RASEF: variants seen among roughly 807,000 people sequenced by gnomAD.
The protein encoded by RASEF is RAS and EF-hand domain containing, also known as ras and EF-hand domain-containing protein.
A neutral mutation model predicts 90.1 loss-of-function variants in RASEF; 68 were observed. The observed-to-expected ratio is 0.75, with a 90% CI of 0.62 to 0.92. The LOEUF (loss-of-function observed/expected upper bound fraction) is 0.92, where lower values mean the gene tolerates loss of function less well. RASEF is among the 40% of genes least tolerant of loss of function. The pLI is 0.00. For synonymous variants in RASEF, 331 were observed against 345.2 expected, an observed-to-expected ratio of 0.96 and a Z score of 0.46; for missense variants, 949 against 937.2, an observed-to-expected ratio of 1.01 and a Z score of -0.16.
rs747449006 is a variant in RASEF, at chr9:83,004,505, A to T, written c.1195T>A (p.Tyr399Asn). 1.9e-6 allele frequency: 3 copies of T among 1,588,246 alleles called. No homozygotes were observed. The highest frequency in any genetic ancestry group is 1.7e-5 in the Admixed American group (1 of 59,968). The change falls in exon 9 of 17, where the codon TAT becomes AAT. Residue 399 changes from tyrosine to asparagine, a missense_variant. By Grantham distance (143) the Tyr-to-Asn change is moderately radical. This residue lies in a region of RASEF where 656 missense variants were observed against 592.2 expected (regional missense o/e 1.11). Transcript: ENST00000376447. Reference sequence around the variant, plus strand: ...TAAGACGAGTTAACATACCTGTCATAGCCTAGAGGTTGAGGGGAATGACCA... The same window carrying T: ...TAAGACGAGTTAACATACCTGTCATTGCCTAGAGGTTGAGGGGAATGACCA... ...FIGHSPQPLG[Y>N]DRSSRSSYVD...
At chr9:83,118,790 T>C in the RASEF span, among the ~76,000 whole-genome samples, 1 of 152,210 alleles carries the variant, frequency 6.6e-6, no homozygotes, top group South Asian at 2.1e-4. Flanking sequence ...CAGCTAAAAC[T>C]TGACAAATGA....
Position 82,998,353 on chromosome 9 carries a change from G to T in RASEF, c.1805+12C>A. On this transcript the variant is annotated intron_variant, in intron 13 of 16. Coordinates refer to ENST00000376447, the MANE Select transcript of RASEF (RefSeq NM_152573.4). ...ACCCAGGATATCCCATAGCGCTGCGGAATGCACTTGCCTCTCCTGACCAGC... is the reference window on the plus strand; with the variant it reads ...ACCCAGGATATCCCATAGCGCTGCGTAATGCACTTGCCTCTCCTGACCAGC... The T allele has an allele frequency of 2.5e-6, 4 of 1,586,236 alleles. No individual in the cohort carries two copies. Among genetic ancestry groups the T allele is most frequent in the Non-Finnish European group, 3.5e-6 (4 of 1,154,796 alleles).
chr9:83,160,954 C>G, the RASEF span, among the ~76,000 whole-genome samples: 1 of 152,164 alleles, frequency 6.6e-6, no homozygotes, highest in Non-Finnish European at 1.5e-5. Flanking sequence ...GCACAGAAGT[C>G]AAGAACTGAG....
chr9:83,124,157 A>G, the RASEF span, among the ~76,000 whole-genome samples: 2 of 152,194 alleles, frequency 1.3e-5, no homozygotes, highest in African/African-American at 4.8e-5. Flanking sequence ...ATAATATTCC[A>G]TTGTAGGTAT....
chr9:83,089,049 C>A, the RASEF span, among the ~76,000 whole-genome samples: 1 of 151,952 alleles, frequency 6.6e-6, no homozygotes, highest in Admixed American at 6.6e-5. Flanking sequence ...ATTTTAATCC[C>A]TTGTAATTTA....
At chr9:83,184,777 T>A in the RASEF span, among the ~76,000 whole-genome samples, 2 of 152,200 alleles carry the variant, frequency 1.3e-5, no homozygotes, top group African/African-American at 4.8e-5. Context: ...AAGGACCATG[T>A]CACCCTGTAA....
rs1002739213 is a variant in RASEF at position 83,049,326 on chromosome 9, G to A, written c.431+13111C>T. 7 of 985,204 alleles carry A rather than the reference G, an allele frequency of 7.1e-6. No homozygotes were observed. In the African/African-American group the frequency reaches 8.7e-5, roughly 12 times the overall value. 61.0% of individuals were successfully genotyped at this position (985,204 alleles called of 1,614,324 possible). A position where few individuals can be genotyped will look rare whatever the true frequency, so the allele number is the denominator to read the frequency against. On this transcript the variant is annotated intron_variant, in intron 1 of 16. Transcript: ENST00000376447. The stretch of plus-strand genomic sequence containing the variant: ...AATAGTCAGCTAACCTGACGGGGAT[G>A]CAGTTTTCCAAGCTACATCTCCACA...
rs755262071 is a variant in RASEF at position 83,009,772 on chromosome 9, A to C, written c.844-16T>G. The stretch of plus-strand genomic sequence containing the variant: ...TCTGGTTTTCCTGGATAAAATGAAA[A>C]GTGGGGGTCATTAGATTCAGATTTT... On this transcript the variant is annotated splice_polypyrimidine_tract_variant and intron_variant, in intron 5 of 16. Coordinates refer to ENST00000376447, the MANE Select transcript of RASEF (RefSeq NM_152573.4). The C allele has an allele frequency of 2.1e-5, 31 of 1,503,906 alleles. No homozygotes were observed. The highest frequency in any genetic ancestry group is 2.9e-5 in the Non-Finnish European group (31 of 1,080,146). The allele number at this position is 1,503,906 out of a possible 1,614,324, so 93.2% of individuals were successfully genotyped here.
At chr9:83,005,534 A>G in intron 7 of RASEF, 34 bp from the exon 8 acceptor site, 3 of 1,498,474 alleles carry the variant, frequency 2.0e-6, no homozygotes, top group Non-Finnish European at 2.8e-6. Context: ...AAAGAGAGAC[A>G]AGGAAAGTAT....
the RASEF span, among the ~76,000 whole-genome samples, chr9:83,078,967 T>C: frequency 6.6e-6 from 1 of 152,212 alleles, no homozygotes; most frequent in African/African-American, 2.4e-5. Context: ...GTCAGACGTA[T>C]AGTTTGCAAA....
intron 1 of RASEF, among the ~76,000 whole-genome samples, chr9:83,035,626 G>A (rs1293969773): frequency 1.3e-5 from 2 of 151,962 alleles, no homozygotes; most frequent in Admixed American, 6.6e-5. Context: ...TGCTCTCCCC[G>A]TATTTCTCTT....
chr9:83,061,389 T>C (rs1033599392), intron 1 of RASEF, among the ~76,000 whole-genome samples: 1 of 152,186 alleles, frequency 6.6e-6, no homozygotes, highest in Non-Finnish European at 1.5e-5. Flanking sequence ...CAATGTTCTG[T>C]CTCAGATGTG....
chr9:82,982,817 GAGA>G (rs763095902), intron 16 of RASEF, 35 bp from the exon 17 acceptor site: 6 of 1,116,724 alleles, frequency 5.4e-6, no homozygotes, highest in Non-Finnish European at 8.2e-6. Flanking sequence ...GAGAGAGAGA[GAGA>G]GAGAGAGAGA....
intron 7 of RASEF, 45 bp from the exon 8 acceptor site, chr9:83,005,545 C>A (rs570659457): frequency 1.5e-6 from 2 of 1,356,248 alleles, no homozygotes; most frequent in South Asian, 1.2e-5. Context: ...AGGAAAGTAT[C>A]ATTGGGGGTC....
At chr9:83,105,647 A>T in the RASEF span, among the ~76,000 whole-genome samples, 2 of 152,238 alleles carry the variant, frequency 1.3e-5, no homozygotes, top group African/African-American at 4.8e-5. Flanking sequence ...AGGAAAACGC[A>T]TGGTATAATA....
At chr9:83,174,293 T>C in the RASEF span, among the ~76,000 whole-genome samples, 1 of 152,092 alleles carries the variant, frequency 6.6e-6, no homozygotes, top group African/African-American at 2.4e-5. Flanking sequence ...ATGTTCATAT[T>C]TTCAGTCCAT....
chr9:83,115,954 T>C, the RASEF span, among the ~76,000 whole-genome samples: 1 of 152,072 alleles, frequency 6.6e-6, no homozygotes, highest in Non-Finnish European at 1.5e-5. Flanking sequence ...TCTATCTAAA[T>C]AGTAACAGTT....
the RASEF span, among the ~76,000 whole-genome samples, chr9:83,182,238 T>A: frequency 6.6e-6 from 1 of 152,224 alleles, no homozygotes; most frequent in African/African-American, 2.4e-5. Flanking sequence ...GAGACACAAG[T>A]GTGCTGCTTC....
At chr9:83,057,393 A>T (rs995127753) in intron 1 of RASEF, among the ~76,000 whole-genome samples, 4 of 152,238 alleles carry the variant, frequency 2.6e-5, no homozygotes, top group African/African-American at 9.6e-5. Context: ...GTATACACCA[A>T]TAATGAGCTG....
Sources: allele counts gnomAD v4.1 joint callset (sites outside exome capture counted in the v4.1 genomes callset), GRCh38; gene constraint gnomAD v4.1.1; regional missense constraint gnomAD v4.1.1; transcripts MANE v1.5; gene names NCBI Gene and HGNC (gene_info 2026-07-23, HGNC 2026-07-21).